WNK2: variants seen among roughly 807,000 people sequenced by gnomAD.
The protein encoded by WNK2 is WNK lysine deficient protein kinase 2, also known as serine/threonine-protein kinase WNK2.
WNK2 carries 67 observed loss-of-function variants against 192.1 expected under a neutral mutation model. That is an observed-to-expected ratio of 0.35 (90% confidence interval 0.29 to 0.43). WNK2 has a LOEUF of 0.43. Ranked by LOEUF, WNK2 falls within the 20% of genes least tolerant of loss-of-function variation. The pLI is 1.00. For synonymous variants in WNK2, 1,439 were observed against 1,393.9 expected (o/e 1.03, Z -0.72); for missense variants, 2,698 against 3,089.7 (o/e 0.87, Z 3.01).
intron 27 of WNK2, 177 bp downstream of exon 27, chr9:93,306,998 C>G (rs1299080742): frequency 2.8e-6 from 2 of 727,062 alleles, no homozygotes; most frequent in African/African-American, 3.5e-5. Context: ...GGATCGCTGT[C>G]CTCGGCTCCC....
At chr9:93,186,145 C>T (rs964747825) in intron 2 of WNK2, among the ~76,000 whole-genome samples, 1 of 152,176 alleles carries the variant, frequency 6.6e-6, no homozygotes, top group African/African-American at 2.4e-5. Context: ...TTCTTCTGAC[C>T]CAGGGCCTGT....
intron 27 of WNK2, chr9:93,307,711 G>A (rs1411553953): frequency 6.6e-6 from 1 of 152,336 alleles, no homozygotes; most frequent in Non-Finnish European, 1.5e-5. Flanking sequence ...TTCCTCGAAT[G>A]CGAATGCGCT....
In WNK2 at chr9:93,292,360, G is replaced by T. The variant is rs748421878; in HGVS notation, c.4989G>T (p.Val1663=). 8.7e-6 allele frequency: 14 copies of T among 1,613,822 alleles called. No individual in the cohort carries two copies. The highest frequency in any genetic ancestry group is 1.2e-5 in the Non-Finnish European group (14 of 1,179,898). Residue 1663 remains valine, a synonymous_variant, in exon 22 of 30, where the codon GTG becomes GTT. Transcript: ENST00000427277. ...GCTATGACAGAGATGGAAGGCAGGT[G>T]GCCTCAGACTCCCATGTGGTCCCCA... ...MLGYDRDGRQ[V]ASDSHVVPSV...
At chr9:93,269,149 C>T (rs1218179757) in intron 19 of WNK2, among the ~76,000 whole-genome samples, 2 of 151,890 alleles carry the variant, frequency 1.3e-5, no homozygotes, top group African/African-American at 4.8e-5. Flanking sequence ...TGGGAAAGTC[C>T]CTGTTGGTGC....
chr9:93,240,496 C>T (rs1330780540), intron 7 of WNK2, among the ~76,000 whole-genome samples: 1 of 152,166 alleles, frequency 6.6e-6, no homozygotes, highest in East Asian at 1.9e-4. Flanking sequence ...TCATCTTCAG[C>T]TCTGTGGATG....
In WNK2 at chr9:93,268,698, T is replaced by C; in HGVS notation, c.3985T>C (p.Ser1329Pro). ...AEHPAPEAPE[S>P]SPPLPLSSLP... ...GCACCCCGCCCCCGAGGCCCCTGAA[T>C]CTTCGCCCCCACTTCCTCTAAGCTC... The change falls in exon 19 of 30, where the codon TCT (serine) becomes CCT (proline). Residue 1329 changes from serine to proline, a missense_variant. Coordinates refer to ENST00000427277, the MANE Select transcript of WNK2 (RefSeq NM_006648.4). The C allele has an allele frequency of 6.2e-7, 1 of 1,613,370 alleles. No individual in the cohort carries two copies. Among genetic ancestry groups the C allele is most frequent in the Non-Finnish European group, 8.5e-7 (1 of 1,179,782 alleles).
rs1479578183 is a variant in WNK2 at position 93,257,182 on chromosome 9, T to C, written c.2382+43T>C. 6.3e-7 allele frequency: 1 copy of C among 1,578,700 alleles called. No homozygotes were observed. The highest frequency in any genetic ancestry group is 1.4e-5 in the African/African-American group (1 of 73,240). ...GCTGCCGTCAGTGGTGGCGCACGCT[T>C]TGCCAGGCCCTGGCTGGTGCACTAG... On this transcript the variant is annotated intron_variant, in intron 11 of 29. Coordinates refer to ENST00000427277, the MANE Select transcript of WNK2 (RefSeq NM_006648.4). The surrounding 1 kb of genome is among the most constrained non-coding windows in gnomAD (Gnocchi z 4.7).
At chr9:93,288,277 G>C (rs1848731927) in intron 19 of WNK2, among the ~76,000 whole-genome samples, 1 of 152,234 alleles carries the variant, frequency 6.6e-6, no homozygotes, top group Admixed American at 6.5e-5. Context: ...CCATACCAAA[G>C]ACTGGGGGTC....
At chr9:93,207,985 C>A (rs1301475598) in intron 2 of WNK2, among the ~76,000 whole-genome samples, 1 of 152,256 alleles carries the variant, frequency 6.6e-6, no homozygotes, top group Non-Finnish European at 1.5e-5. Flanking sequence ...TCCCTTCCTC[C>A]TTGTCCAGGG....
Position 93,289,132 on chromosome 9 carries a change from C to T in WNK2, c.4378C>T (p.Pro1460Ser). 1.2e-6 allele frequency: 2 copies of T among 1,602,022 alleles called. No individual in the cohort carries two copies. The highest frequency in any genetic ancestry group is 8.5e-7 in the Non-Finnish European group (1 of 1,173,758). Residue 1460 changes from proline to serine, a missense_variant, in exon 20 of 30, where the codon CCA (proline) becomes TCA (serine). By Grantham distance (74) the Pro-to-Ser change is moderately conservative. Coordinates refer to ENST00000427277, the MANE Select transcript of WNK2 (RefSeq NM_006648.4). ...VVGLAPCTPA[P>S]EAASTRDASA... ...GGGCCTAGCACCTTGCACTCCAGCT[C>T]CAGAGGCTGCCTCAACCAGGGACGC...
At chr9:93,256,796 CTG>C (rs1843371558) in intron 10 of WNK2, 150 bp from the exon 11 acceptor site, 2 of 755,504 alleles carry the variant, frequency 2.6e-6, no homozygotes, top group Non-Finnish European at 2.1e-6. Context: ...ATACGTGTGA[CTG>C]TGCAAGTGTG....
At chr9:93,307,196 G>A (rs1852740351) in intron 27 of WNK2, 3 of 280,840 alleles carry the variant, frequency 1.1e-5, no homozygotes, top group Non-Finnish European at 1.4e-5. Context: ...CCAGGACTGA[G>A]TGGGTATTAG....
chr9:93,262,556 CG>C, intron 13 of WNK2, 113 bp from the exon 14 acceptor site: 3 of 1,154,462 alleles, frequency 2.6e-6, no homozygotes, highest in Non-Finnish European at 3.8e-6. Flanking sequence ...GAGAACGCAG[CG>C]GGGCAGGCTG....
At chr9:93,254,124 C>T (rs111486325) in intron 9 of WNK2, among the ~76,000 whole-genome samples, 94 of 152,280 alleles carry the variant, frequency 6.2e-4, no homozygotes, top group African/African-American at 2.0e-3. Flanking sequence ...ACCATGTTGG[C>T]CAGCCTGGTC....
intron 28 of WNK2, 152 bp from the exon 29 acceptor site, chr9:93,317,368 T>C (rs1264279580): frequency 1.5e-6 from 1 of 685,240 alleles, no homozygotes; most frequent in Non-Finnish European, 2.5e-6. Flanking sequence ...ACCATCATTC[T>C]GGTGTCAGCC....
chr9:93,232,741 G>A (rs1323471685), intron 4 of WNK2, among the ~76,000 whole-genome samples: 2 of 152,194 alleles, frequency 1.3e-5, no homozygotes, highest in African/African-American at 4.8e-5. Context: ...AGCAGGCACA[G>A]TGGGGAGACC....
At chr9:93,264,375 C>T (rs1158573814) in intron 16 of WNK2, among the ~76,000 whole-genome samples, 1 of 152,178 alleles carries the variant, frequency 6.6e-6, no homozygotes, top group Non-Finnish European at 1.5e-5. Context: ...GTCTGATGTC[C>T]TGTGGTCCTT....
In WNK2 at chr9:93,185,373, G is replaced by C; in HGVS notation, c.444G>C (p.Ala148=). ...ACGGCGGCCCCAGGGAGGAGGCGGC[G>C]GCGACCGTGAGGAAGGAGGATGAGG... ...APDGGPREEA[A]ATVRKEDEGA... Residue 148 remains alanine, a synonymous_variant, in exon 2 of 30, where the codon GCG becomes GCC. Transcript: ENST00000427277. 6.3e-7 allele frequency: 1 copy of C among 1,580,858 alleles called. No homozygotes were observed. Among genetic ancestry groups the C allele is most frequent in the Non-Finnish European group, 8.6e-7 (1 of 1,165,732 alleles).
chr9:93,242,981 G>A (rs1456790187), intron 7 of WNK2, among the ~76,000 whole-genome samples: 1 of 152,164 alleles, frequency 6.6e-6, no homozygotes, highest in Non-Finnish European at 1.5e-5. Flanking sequence ...GACAGGGTAC[G>A]AGGGACCAGG....
Sources: gnomAD v4.1 joint callset for allele counts (sites outside exome capture counted in the v4.1 genomes callset) on GRCh38, gnomAD v4.1.1 for gene constraint, Gnocchi (gnomAD v3.1) non-coding constraint, MANE v1.5 for transcripts, NCBI Gene and HGNC (gene_info 2026-07-23, HGNC 2026-07-21) for gene names.